The following LRRC4C variants were observed in gnomAD, a reference collection of about 807,000 sequenced individuals.
LRRC4C encodes leucine-rich repeat-containing protein 4C.
LRRC4C carries 5 observed loss-of-function variants against 33.6 expected under a neutral mutation model. The observed-to-expected ratio is 0.15, with a 90% CI of 0.08 to 0.31. The LOEUF (loss-of-function observed/expected upper bound fraction) is 0.31. Ranked by LOEUF, LRRC4C falls within the 10% of genes least tolerant of loss-of-function variation. The pLI is 1.00. For synonymous variants in LRRC4C, 329 were observed against 302.0 expected (o/e 1.09, Z -0.93); for missense variants, 560 against 796.7 (o/e 0.70, Z 3.58).
chr11:40,628,480 AAAAACAAAAC>A (rs79916766), intron 3 of LRRC4C, among the ~76,000 whole-genome samples: 3 of 150,938 alleles, frequency 2.0e-5, no homozygotes, highest in East Asian at 2.0e-4. Flanking sequence ...TCCATCTCAA[AAAAACAAAAC>A]AAAACAAAAC....
chr11:40,661,192 AAGG>A (rs780890564), intron 2 of LRRC4C, among the ~76,000 whole-genome samples: 1 of 151,858 alleles, frequency 6.6e-6, no homozygotes, highest in Non-Finnish European at 1.5e-5. Context: ...TGATTGCAAA[AAGG>A]AGATGATGCC....
chr11:41,402,823 A>G (rs1954077007), intron 1 of LRRC4C, among the ~76,000 whole-genome samples: 1 of 152,058 alleles, frequency 6.6e-6, no homozygotes, highest in Admixed American at 6.6e-5. Context: ...TGAACTATAT[A>G]CCTTAAGCAT....
chr11:40,524,980 T>C (rs1421343825), intron 3 of LRRC4C, among the ~76,000 whole-genome samples: 1 of 152,120 alleles, frequency 6.6e-6, no homozygotes, highest in Admixed American at 6.5e-5. Context: ...CCTCAGGATA[T>C]ATAATTTAGC....
chr11:40,364,919 T>C (rs1425989709), intron 3 of LRRC4C, among the ~76,000 whole-genome samples: 2 of 151,224 alleles, frequency 1.3e-5, no homozygotes, highest in Non-Finnish European at 2.9e-5. Context: ...AATACATGTA[T>C]GTAAAAAAAA....
At chr11:41,037,574 T>TCACACACACACA (rs56234239) in intron 1 of LRRC4C, among the ~76,000 whole-genome samples, 36,571 of 148,644 alleles carry the variant, frequency 0.25, 4,874 homozygotes, top group East Asian at 0.39. Context: ...TCTTTTCCTT[T>TCACACACACACA]CACACACACA....
intron 1 of LRRC4C, among the ~76,000 whole-genome samples, chr11:41,127,474 T>TC (rs1429054831): frequency 6.6e-6 from 1 of 152,108 alleles, no homozygotes; most frequent in African/African-American, 2.4e-5. Flanking sequence ...TTTTCTTTTT[T>TC]CTTTGTTTTT....
chr11:40,148,764 G>C (rs1229997256), intron 5 of LRRC4C, among the ~76,000 whole-genome samples: 1 of 152,072 alleles, frequency 6.6e-6, no homozygotes, highest in African/African-American at 2.4e-5. Context: ...CTGTTCCTAT[G>C]GCCAGAATGG....
At chr11:40,964,086 G>T (rs1851162033) in intron 1 of LRRC4C, among the ~76,000 whole-genome samples, 1 of 151,302 alleles carries the variant, frequency 6.6e-6, no homozygotes, top group East Asian at 2.0e-4. Context: ...TTCTCAATGT[G>T]CCGCAGTTTC....
intron 1 of LRRC4C, among the ~76,000 whole-genome samples, chr11:40,974,816 T>G (rs1211022904): frequency 2.0e-5 from 3 of 152,202 alleles, no homozygotes; most frequent in Admixed American, 2.0e-4. Context: ...GTTTCCTTGT[T>G]CTTGCACTTG....
At chr11:40,416,691 G>C (rs964982362) in intron 3 of LRRC4C, among the ~76,000 whole-genome samples, 1 of 152,118 alleles carries the variant, frequency 6.6e-6, no homozygotes, top group African/African-American at 2.4e-5. Context: ...CAACAATAAG[G>C]CAAAGTGAGA....
intron 1 of LRRC4C, among the ~76,000 whole-genome samples, chr11:41,346,614 A>G (rs1040392785): frequency 6.6e-6 from 1 of 152,234 alleles, no homozygotes; most frequent in Non-Finnish European, 1.5e-5. Context: ...AAGATATCCT[A>G]GAAGAAAAAC....
chr11:41,009,695 T>A (rs1855031586), intron 1 of LRRC4C, among the ~76,000 whole-genome samples: 1 of 152,138 alleles, frequency 6.6e-6, no homozygotes, highest in African/African-American at 2.4e-5. Context: ...ATAGTTTCTC[T>A]TTAAAAAATC....
At chr11:40,569,548 G>C (rs926704743) in intron 3 of LRRC4C, among the ~76,000 whole-genome samples, 1 of 151,916 alleles carries the variant, frequency 6.6e-6, no homozygotes, top group African/African-American at 2.4e-5. Flanking sequence ...GTCTGTGTTT[G>C]TATGTGAATG....
At chr11:40,803,152 A>G (rs75649776) in intron 2 of LRRC4C, among the ~76,000 whole-genome samples, 8,202 of 152,328 alleles carry the variant, frequency 0.054, 220 homozygotes, top group Middle Eastern at 0.065. Context: ...GCTATGTGAC[A>G]GGTACTGTTG....
intron 2 of LRRC4C, among the ~76,000 whole-genome samples, chr11:40,731,555 T>C (rs1212173904): frequency 6.6e-6 from 1 of 152,206 alleles, no homozygotes; most frequent in Non-Finnish European, 1.5e-5. Flanking sequence ...TATTTCTTTA[T>C]AGCAATGCAA....
chr11:40,849,688 CT>C (rs1953382904), intron 2 of LRRC4C, among the ~76,000 whole-genome samples: 1 of 152,018 alleles, frequency 6.6e-6, no homozygotes, highest in South Asian at 2.1e-4. Context: ...GTTGGCCTGT[CT>C]TGCTAGGTTG....
At chr11:41,110,189 T>A (rs966702787) in intron 1 of LRRC4C, among the ~76,000 whole-genome samples, 1 of 152,084 alleles carries the variant, frequency 6.6e-6, no homozygotes, top group African/African-American at 2.4e-5. Flanking sequence ...CTGGGTGACT[T>A]ACGGCTTATT....
chr11:41,226,299 G>A (rs931518432), intron 1 of LRRC4C, among the ~76,000 whole-genome samples: 2 of 152,120 alleles, frequency 1.3e-5, no homozygotes, highest in African/African-American at 4.8e-5. Context: ...GGAGAATTGG[G>A]ACTGAATCCA....
At chr11:40,260,101 A>G (rs1277480154) in intron 4 of LRRC4C, among the ~76,000 whole-genome samples, 1 of 131,644 alleles carries the variant, frequency 7.6e-6, no homozygotes, top group Non-Finnish European at 1.6e-5. Context: ...AGACACATGC[A>G]CACGTATGTT....
Sources: allele counts gnomAD v4.1 joint callset (sites outside exome capture counted in the v4.1 genomes callset), GRCh38; gene constraint gnomAD v4.1.1; transcripts MANE v1.5; gene names NCBI Gene and HGNC (gene_info 2026-07-23, HGNC 2026-07-21).